DLGAP2: variants seen among roughly 807,000 people sequenced by gnomAD.
The protein encoded by DLGAP2 is DLG associated protein 2, also known as disks large-associated protein 2.
A neutral mutation model predicts 100.3 loss-of-function variants in DLGAP2; 26 were observed. The observed-to-expected ratio is 0.26, with a 90% CI of 0.19 to 0.36. The LOEUF (loss-of-function observed/expected upper bound fraction) is 0.36, where lower values mean the gene tolerates loss of function less well. Among genes scored for constraint, DLGAP2 ranks in the 10% least tolerant of loss-of-function variants. The probability of loss-of-function intolerance (pLI) is 1.00; values close to 1 mark genes in which losing one functional copy is unlikely to be tolerated. For missense variants in DLGAP2, 1,858 were observed against 1,453.2 expected (o/e 1.28, Z -4.53); for synonymous variants, 886 against 630.1 (o/e 1.41, Z -6.08).
chr8:1,210,883 A>G (rs1327765154), intron 2 of DLGAP2, among the ~76,000 whole-genome samples: 1 of 152,146 alleles, frequency 6.6e-6, no homozygotes, highest in Non-Finnish European at 1.5e-5. Flanking sequence ...ATCCTCTGCC[A>G]GTCTGGGCAG....
intron 2 of DLGAP2, among the ~76,000 whole-genome samples, chr8:1,049,201 G>T (rs766216962): frequency 6.6e-6 from 1 of 152,176 alleles, no homozygotes; most frequent in Non-Finnish European, 1.5e-5. Context: ...ATTGTCTCTC[G>T]AGTTACGGGG....
chr8:896,349 T>C (rs1196923242), intron 1 of DLGAP2, among the ~76,000 whole-genome samples: 3 of 136,394 alleles, frequency 2.2e-5, no homozygotes, highest in Non-Finnish European at 3.1e-5. Context: ...GGCCGGGGAG[T>C]GGAATGGTGG....
At chr8:842,247 A>C (rs1242913770) in intron 1 of DLGAP2, among the ~76,000 whole-genome samples, 1 of 152,190 alleles carries the variant, frequency 6.6e-6, no homozygotes, top group Non-Finnish European at 1.5e-5. Context: ...AAACATATTC[A>C]TGGGAACAAT....
At chr8:1,585,688 G>A (rs539555768) in intron 6 of DLGAP2, among the ~76,000 whole-genome samples, 3 of 152,286 alleles carry the variant, frequency 2.0e-5, no homozygotes, top group East Asian at 3.9e-4. Context: ...AAAACCTGGC[G>A]GCCCCGTGCC....
chr8:1,601,002 A>C (rs1354019166), intron 6 of DLGAP2, among the ~76,000 whole-genome samples: 1 of 152,060 alleles, frequency 6.6e-6, no homozygotes, highest in Non-Finnish European at 1.5e-5. Flanking sequence ...CCTCATCTTC[A>C]TGGATTTATC....
chr8:1,607,586 C>T (rs1796841597), intron 6 of DLGAP2, among the ~76,000 whole-genome samples: 1 of 152,196 alleles, frequency 6.6e-6, no homozygotes. Flanking sequence ...AGAGCGTGAG[C>T]GACGCAGAAG....
At chr8:1,680,364 A>G (rs1169430833) in intron 12 of DLGAP2, among the ~76,000 whole-genome samples, 5 of 152,248 alleles carry the variant, frequency 3.3e-5, no homozygotes, top group East Asian at 1.9e-4. Flanking sequence ...TACATTGACT[A>G]TGACTTACAG....
At chr8:1,152,632 C>T (rs899372401) in intron 2 of DLGAP2, among the ~76,000 whole-genome samples, 2 of 152,162 alleles carry the variant, frequency 1.3e-5, no homozygotes, top group Non-Finnish European at 2.9e-5. Flanking sequence ...AGGGAACTCC[C>T]AGGGGTGCCT....
intron 2 of DLGAP2, among the ~76,000 whole-genome samples, chr8:1,224,793 C>T (rs538258766): frequency 3.9e-5 from 6 of 152,126 alleles, no homozygotes; most frequent in African/African-American, 1.4e-4. Flanking sequence ...GGACATTCTC[C>T]AAGGAAGATA....
intron 2 of DLGAP2, among the ~76,000 whole-genome samples, chr8:1,254,826 G>A (rs1210950231): frequency 7.2e-6 from 1 of 138,944 alleles, no homozygotes; most frequent in African/African-American, 2.7e-5. Context: ...CACAAAGACC[G>A]CTCCTGACTT....
chr8:1,158,302 T>C (rs1563220843), intron 2 of DLGAP2, among the ~76,000 whole-genome samples: 1 of 152,228 alleles, frequency 6.6e-6, no homozygotes, highest in Non-Finnish European at 1.5e-5. Flanking sequence ...GCAGCAGACG[T>C]CATTATGTGC....
rs754157621 is a variant in DLGAP2 at position 1,549,670 on chromosome 8, G to A, written c.1217G>A (p.Cys406Tyr). The change falls in exon 5 of 15, where the codon TGC becomes TAC. Residue 406 changes from cysteine to tyrosine, a missense_variant. Transcript: ENST00000637795. ...HQDAKPALRP[C>Y]HYLQVPQDEW... ...GACGCCAAGCCCGCCCTGAGGCCGT[G>A]CCACTACCTCCAGGTAAGCAGGCTC... The A allele has an allele frequency of 1.3e-6, 2 of 1,552,234 alleles. No individual in the cohort carries two copies. Among genetic ancestry groups the A allele is most frequent in the Non-Finnish European group, 1.7e-6 (2 of 1,147,692 alleles).
At chr8:1,200,004 C>T (rs1012749332) in intron 2 of DLGAP2, among the ~76,000 whole-genome samples, 1 of 152,092 alleles carries the variant, frequency 6.6e-6, no homozygotes, top group African/African-American at 2.4e-5. Context: ...CCGGGGGTCC[C>T]ATCCTGTGGA....
At chr8:1,517,959 C>T (rs1800452776) in intron 4 of DLGAP2, among the ~76,000 whole-genome samples, 2 of 152,292 alleles carry the variant, frequency 1.3e-5, no homozygotes, top group South Asian at 2.1e-4. Flanking sequence ...AAGTGCTCAT[C>T]GTCAGTAACA....
intron 1 of DLGAP2, among the ~76,000 whole-genome samples, chr8:853,231 A>C (rs1232458912): frequency 6.6e-6 from 1 of 152,218 alleles, no homozygotes; most frequent in Non-Finnish European, 1.5e-5. Flanking sequence ...GAGCATGGTC[A>C]TCAGAGGGAG....
intron 2 of DLGAP2, among the ~76,000 whole-genome samples, chr8:1,098,424 C>A (rs1035350423): frequency 6.6e-6 from 1 of 152,178 alleles, no homozygotes; most frequent in African/African-American, 2.4e-5. Flanking sequence ...TCACGAGGGC[C>A]TCCCGGGCAG....
chr8:1,418,320 C>G (rs963998785), intron 3 of DLGAP2, among the ~76,000 whole-genome samples: 1 of 152,084 alleles, frequency 6.6e-6, no homozygotes, highest in Non-Finnish European at 1.5e-5. Flanking sequence ...TTTAGATGGC[C>G]TCAAACATGA....
Position 1,678,503 on chromosome 8 carries a change from A to G in DLGAP2, c.2578A>G (p.Arg860Gly). The change falls in exon 12 of 15, where the codon AGG (arginine) becomes GGG (glycine). Residue 860 changes from arginine to glycine, a missense_variant. Physicochemically the swap from Arg to Gly is moderately radical, Grantham distance 125. Coordinates refer to ENST00000637795, the MANE Select transcript of DLGAP2 (RefSeq NM_001346810.2). Reference protein sequence around the residue: ...EPAIDTVETGRMSPCRRDGSW... With the variant: ...EPAIDTVETGGMSPCRRDGSW... ...CGCCATCGACACGGTAGAGACTGGG[A>G]GGATGTCTCCGTGCCGCAGGGATGG... 6.2e-7 allele frequency: 1 copy of G among 1,612,000 alleles called. No homozygotes were observed. The highest frequency in any genetic ancestry group is 1.7e-4 in the Middle Eastern group (1 of 6,060).
rs1281219756 is a variant in DLGAP2, at chr8:1,665,729, C to T, written c.1811-2600C>T. Among the ~76,000 whole-genome samples the T allele has an allele frequency of 5.3e-5, 8 of 152,376 alleles. No individual in the cohort carries two copies. In the South Asian group the frequency reaches 6.2e-4, roughly 12 times the overall value. ...CCCCGTCCGCAGTCTCGCTCCAGCG[C>T]GCAGCGGACACCGGGCCTGCCTTCG... On this transcript the variant is annotated intron_variant, in intron 8 of 14. Transcript: ENST00000637795.
Sources: gnomAD v4.1 joint callset for allele counts (sites outside exome capture counted in the v4.1 genomes callset) on GRCh38, gnomAD v4.1.1 for gene constraint, MANE v1.5 for transcripts, NCBI Gene and HGNC (gene_info 2026-07-23, HGNC 2026-07-21) for gene names.